Variants in SND1 observed in about 807,000 individuals in gnomAD.
SND1 encodes the protein staphylococcal nuclease and tudor domain containing 1.
In SND1, 38 loss-of-function variants were observed where a neutral mutation model predicts 121.7. The ratio of observed to expected loss-of-function variants is 0.31; its 90% CI spans 0.24 to 0.41. SND1 has a LOEUF of 0.41. Ranked by LOEUF, SND1 falls within the 10% of genes least tolerant of loss-of-function variation. The probability of loss-of-function intolerance (pLI) is 1.00; values close to 1 mark genes in which losing one functional copy is unlikely to be tolerated. For synonymous variants in SND1, 401 were observed against 447.4 expected, an observed-to-expected ratio of 0.90 and a Z score of 1.31; for missense variants, 868 against 1,184.6, an observed-to-expected ratio of 0.73 and a Z score of 3.92.
intron 6 of SND1, 147 bp from the exon 7 acceptor site, chr7:127,703,018 G>A: frequency 3.8e-6 from 3 of 788,100 alleles, no homozygotes; most frequent in Non-Finnish European, 4.2e-6. Context: ...CTTTTTACCA[G>A]TGTGTTTTAA....
intron 16 of SND1, chr7:128,030,437 C>T: frequency 1.2e-6 from 2 of 1,613,878 alleles, no homozygotes; most frequent in South Asian, 1.1e-5. Context: ...CCTGCGGGAC[C>T]TCGGAGAGGC....
At chr7:127,896,171 A>C (rs1584649073) in intron 13 of SND1, among the ~76,000 whole-genome samples, 1 of 150,460 alleles carries the variant, frequency 6.6e-6, no homozygotes, top group Admixed American at 6.6e-5. Flanking sequence ...GTCTTCCCCC[A>C]CCCCCATCCG....
chr7:127,837,443 C>T (rs984564793), intron 11 of SND1, among the ~76,000 whole-genome samples: 3 of 152,236 alleles, frequency 2.0e-5, no homozygotes, highest in Non-Finnish European at 2.9e-5. Context: ...AATGTTTCAA[C>T]ATGGCTACTA....
intron 10 of SND1, among the ~76,000 whole-genome samples, chr7:127,750,003 G>A (rs901007136): frequency 1.3e-5 from 2 of 152,160 alleles, no homozygotes; most frequent in African/African-American, 4.8e-5. Flanking sequence ...GGAAGCCTGA[G>A]GTGGGAGGGT....
At chr7:127,852,301 C>T (rs1363725348) in intron 12 of SND1, among the ~76,000 whole-genome samples, 1 of 151,348 alleles carries the variant, frequency 6.6e-6, no homozygotes, top group African/African-American at 2.4e-5. Flanking sequence ...TCAGACCAGC[C>T]TAGCCAATAT....
intron 12 of SND1, among the ~76,000 whole-genome samples, chr7:127,849,733 T>C (rs540411141): frequency 1.3e-5 from 2 of 152,334 alleles, no homozygotes; most frequent in South Asian, 4.1e-4. Context: ...GATCACATCT[T>C]TTTAGACAGG....
intron 16 of SND1, among the ~76,000 whole-genome samples, chr7:128,022,004 G>T (rs1232144972): frequency 1.3e-5 from 2 of 152,054 alleles, no homozygotes; most frequent in Non-Finnish European, 2.9e-5. Flanking sequence ...GGGAGTTTCA[G>T]ACCAGCCTGG....
At chr7:127,882,494 A>T (rs911510671) in intron 12 of SND1, among the ~76,000 whole-genome samples, 1 of 151,854 alleles carries the variant, frequency 6.6e-6, no homozygotes, top group Non-Finnish European at 1.5e-5. Flanking sequence ...TTGGAAATAG[A>T]GCACTGGAAC....
In SND1 at chr7:127,932,346, G is replaced by C. The variant is rs563293602; in HGVS notation, c.1669+3017G>C. On this transcript the variant is annotated intron_variant, in intron 15 of 23. Coordinates refer to ENST00000354725, the MANE Select transcript of SND1 (RefSeq NM_014390.4). ...AATAGCAAAAGAACTAGAATTAGAA[G>C]TAGAGCCTGGGGATAAAACTGAGTT... Among the ~76,000 whole-genome samples the C allele has an allele frequency of 1.6e-3, 248 of 152,340 alleles. 1 individual carries two copies. Among genetic ancestry groups the C allele is most frequent in the Non-Finnish European group, 2.5e-3 (167 of 68,028 alleles).
chr7:128,053,711 G>A (rs1793087350), intron 16 of SND1, among the ~76,000 whole-genome samples: 1 of 151,964 alleles, frequency 6.6e-6, no homozygotes, highest in African/African-American at 2.4e-5. Context: ...GGGAGACCAG[G>A]GAAAAGCCCT....
Position 127,751,163 on chromosome 7 carries a change from T to TGC in SND1, c.1152+29769_1152+29770dup, listed in dbSNP as rs1554421039. ...ATGGTAGGGTGTGTGTGTGTGTGTG[T>TGC]GCGCGCGTGCTGAAAGCCATTCAGT... is the stretch of plus-strand genomic sequence containing the variant. On this transcript the variant is annotated intron_variant, in intron 10 of 23. Coordinates refer to ENST00000354725, the MANE Select transcript of SND1 (RefSeq NM_014390.4). Among the ~76,000 whole-genome samples, 45 of 152,156 alleles carry TGC rather than the reference T, an allele frequency of 3.0e-4. No individual in the cohort carries two copies. The East Asian group carries it at 5.2e-3, about 18-fold the overall frequency.
intron 10 of SND1, among the ~76,000 whole-genome samples, chr7:127,804,524 G>C (rs1798196299): frequency 6.6e-6 from 1 of 152,090 alleles, no homozygotes. Flanking sequence ...TTCATTTGAA[G>C]GCTCATTGGA....
chr7:127,796,757 T>C lies in SND1; in HGVS notation c.1153-10727T>C, dbSNP rs190093350. 1.8e-4 allele frequency among the ~76,000 whole-genome samples: 28 copies of C among 152,330 alleles called. No homozygotes were observed. The East Asian group carries it at 5.0e-3, about 27-fold the overall frequency. ...GAGTTTATATTTGCCAAAATGTTCC[T>C]TGAGTGTGAACTTAGACTTGCCTTA... On this transcript the variant is annotated intron_variant, in intron 10 of 23. Coordinates refer to ENST00000354725, the MANE Select transcript of SND1 (RefSeq NM_014390.4).
intron 15 of SND1, among the ~76,000 whole-genome samples, chr7:127,977,560 TGATTAATCTGGTAGTA>T (rs1802150147): frequency 6.6e-6 from 1 of 152,136 alleles, no homozygotes; most frequent in Non-Finnish European, 1.5e-5. Flanking sequence ...ATCTGGTAGC[TGATTAATCTGGTAGTA>T]GATTAAGCTG....
chr7:127,778,391 G>A (rs2116513577), intron 10 of SND1, among the ~76,000 whole-genome samples: 1 of 152,162 alleles, frequency 6.6e-6, no homozygotes, highest in South Asian at 2.1e-4. Flanking sequence ...TAGAGACAGG[G>A]TTTCACCATT....
intron 12 of SND1, among the ~76,000 whole-genome samples, chr7:127,850,930 A>G (rs1157791071): frequency 6.6e-6 from 1 of 152,214 alleles, no homozygotes; most frequent in Non-Finnish European, 1.5e-5. Flanking sequence ...ACACTATAAG[A>G]AGGAACTTGG....
chr7:127,720,382 T>G (rs1043736502), intron 9 of SND1, among the ~76,000 whole-genome samples: 2 of 152,194 alleles, frequency 1.3e-5, no homozygotes, highest in African/African-American at 4.8e-5. Flanking sequence ...TGCAGCTACC[T>G]TGTAATAAAG....
At chr7:127,901,477 C>A (rs1362933306) in intron 13 of SND1, among the ~76,000 whole-genome samples, 1 of 152,158 alleles carries the variant, frequency 6.6e-6, no homozygotes, top group Non-Finnish European at 1.5e-5. Context: ...ATCGTTCCTG[C>A]AGCAGTGTGG....
At chr7:127,945,095 A>G (rs1302213064) in intron 15 of SND1, among the ~76,000 whole-genome samples, 4 of 152,308 alleles carry the variant, frequency 2.6e-5, no homozygotes, top group African/African-American at 9.6e-5. Context: ...TGAACCCACC[A>G]TAACACTGCC....
Sources: allele counts gnomAD v4.1 joint callset (sites outside exome capture counted in the v4.1 genomes callset), GRCh38; gene constraint gnomAD v4.1.1; transcripts MANE v1.5; gene names NCBI Gene and HGNC (gene_info 2026-07-23, HGNC 2026-07-21).